The following RBFOX1 variants were observed in gnomAD, a reference collection of about 807,000 sequenced individuals.
RBFOX1 encodes the protein RNA binding fox-1 homolog 1.
A neutral mutation model predicts 57.7 loss-of-function variants in RBFOX1; 8 were observed. The observed-to-expected ratio is 0.14, with a 90% confidence interval of 0.08 to 0.25. The LOEUF is 0.25. Ranked by LOEUF, RBFOX1 falls within the 10% of genes least tolerant of loss-of-function variation. RBFOX1 has a pLI of 1.00. For synonymous variants in RBFOX1, 326 were observed against 222.4 expected, an observed-to-expected ratio of 1.47 and a Z score of -4.15; for missense variants, 611 against 548.5, an observed-to-expected ratio of 1.11 and a Z score of -1.14.
chr16:5,574,327 ACT>A (rs1433508565), intron 2 of RBFOX1, among the ~76,000 whole-genome samples: 1 of 151,586 alleles, frequency 6.6e-6, no homozygotes, highest in Non-Finnish European at 1.5e-5. Context: ...TAGCCTCCTA[ACT>A]CTCTGTATAG....
intron 4 of RBFOX1, among the ~76,000 whole-genome samples, chr16:7,179,132 G>A (rs557228392): frequency 3.8e-4 from 58 of 152,146 alleles, no homozygotes; most frequent in East Asian, 9.6e-4. Context: ...CGAGGCATCC[G>A]GAGGGGTTAA....
At chr16:5,849,694 A>G (rs2056844796) in intron 3 of RBFOX1, among the ~76,000 whole-genome samples, 1 of 152,144 alleles carries the variant, frequency 6.6e-6, no homozygotes, top group Non-Finnish European at 1.5e-5. Context: ...GGCATCGGCA[A>G]GTATTTGTTC....
Position 7,127,578 on chromosome 16 carries a change from G to A in RBFOX1, c.27+75480G>A, listed in dbSNP as rs576336708. Among the ~76,000 whole-genome samples, 7 of 152,314 alleles carry A rather than the reference G, an allele frequency of 4.6e-5. No individual in the cohort carries two copies. In the South Asian group the frequency reaches 1.5e-3, roughly 32 times the overall value. On this transcript the variant is annotated intron_variant, in intron 4 of 15. Transcript: ENST00000550418. ...ACGAGCGTGCATGTGTGTGGGGAAT[G>A]TGTACATTCTGTATCATGGTGTGAA... is the stretch of plus-strand genomic sequence containing the variant.
intron 4 of RBFOX1, among the ~76,000 whole-genome samples, chr16:7,369,659 A>C (rs1422326364): frequency 1.3e-5 from 2 of 152,166 alleles, no homozygotes; most frequent in Non-Finnish European, 2.9e-5. Flanking sequence ...GTTTGAAGTG[A>C]GACTAGTTTA....
chr16:6,920,926 G>A (rs2074319359), intron 3 of RBFOX1, among the ~76,000 whole-genome samples: 1 of 152,184 alleles, frequency 6.6e-6, no homozygotes, highest in South Asian at 2.1e-4. Flanking sequence ...ATAGGTTTTT[G>A]CAGGACACTA....
In RBFOX1 at chr16:7,382,690, G is replaced by A. The variant is rs545847143; in HGVS notation, c.28-135457G>A. Among the ~76,000 whole-genome samples, 3 of 152,292 alleles carry A rather than the reference G, an allele frequency of 2.0e-5. No individual in the cohort carries two copies. The South Asian group carries it at 6.2e-4, about 32-fold the overall frequency. ...CATCCTGGATTCATTTTCTAACAGA[G>A]GATAGTCACCTAATTAAAACGTTAA... On this transcript the variant is annotated intron_variant, in intron 4 of 15. Transcript: ENST00000550418.
intron 4 of RBFOX1, among the ~76,000 whole-genome samples, chr16:5,990,423 C>T (rs1025881436): frequency 6.6e-6 from 1 of 152,224 alleles, no homozygotes; most frequent in Admixed American, 6.5e-5. Flanking sequence ...GTGTTATGAC[C>T]AAACTTATTC....
At chr16:6,413,608 G>T (rs2093535821) in intron 2 of RBFOX1, among the ~76,000 whole-genome samples, 1 of 152,092 alleles carries the variant, frequency 6.6e-6, no homozygotes, top group African/African-American at 2.4e-5. Context: ...GACAGAGAAA[G>T]AAAGAAAGAA....
At chr16:7,351,370 T>C (rs1366168586) in intron 4 of RBFOX1, among the ~76,000 whole-genome samples, 1 of 152,276 alleles carries the variant, frequency 6.6e-6, no homozygotes, top group Non-Finnish European at 1.5e-5. Flanking sequence ...CATGTATTAA[T>C]CACCACTACG....
chr16:5,491,772 T>C (rs1251801221), intron 2 of RBFOX1, among the ~76,000 whole-genome samples: 2 of 152,214 alleles, frequency 1.3e-5, no homozygotes, highest in Non-Finnish European at 2.9e-5. Context: ...AAGACAGCTC[T>C]TGAGCTAGAA....
intron 3 of RBFOX1, among the ~76,000 whole-genome samples, chr16:7,014,703 G>T (rs893210383): frequency 5.3e-5 from 8 of 152,172 alleles, no homozygotes; most frequent in Middle Eastern, 3.4e-3. Flanking sequence ...GAGAGTGGAT[G>T]ATAAACTAGA....
chr16:7,060,530 C>T (rs931135289), intron 4 of RBFOX1, among the ~76,000 whole-genome samples: 1 of 152,170 alleles, frequency 6.6e-6, no homozygotes, highest in Admixed American at 6.5e-5. Flanking sequence ...CTGCCATTCT[C>T]AAATGAAATG....
intron 1 of RBFOX1, among the ~76,000 whole-genome samples, chr16:6,030,725 G>C (rs1419662093): frequency 6.6e-6 from 1 of 152,178 alleles, no homozygotes; most frequent in East Asian, 1.9e-4. Flanking sequence ...TGAAGTTAGA[G>C]AAATGCAATT....
chr16:7,635,357 AT>A (rs1360672617), intron 11 of RBFOX1, among the ~76,000 whole-genome samples: 1 of 152,200 alleles, frequency 6.6e-6, no homozygotes, highest in East Asian at 1.9e-4. Context: ...TTTCTTCAGG[AT>A]TTTATGAATA....
chr16:6,058,453 G>A (rs887073819), intron 1 of RBFOX1, among the ~76,000 whole-genome samples: 1 of 152,124 alleles, frequency 6.6e-6, no homozygotes. Flanking sequence ...TGCTGGTTTA[G>A]ATCTTTAAAG....
intron 4 of RBFOX1, among the ~76,000 whole-genome samples, chr16:7,139,176 C>CTCTCTCTCTCTCTCTGTGTGTGTGTG (rs372381673): frequency 4.9e-4 from 71 of 145,904 alleles, no homozygotes; most frequent in Non-Finnish European, 6.3e-4. Flanking sequence ...CAATCTCTCT[C>CTCTCTCTCTCTCTCTGTGTGTGTGTG]TGTGTGTGTG....
intron 5 of RBFOX1, among the ~76,000 whole-genome samples, chr16:7,536,698 G>C (rs72773080): frequency 1.3e-5 from 2 of 152,206 alleles, no homozygotes; most frequent in Non-Finnish European, 2.9e-5. Context: ...ATGCAGGGGC[G>C]TGTGGAAGCC....
At chr16:7,062,536 C>G (rs148893217) in intron 4 of RBFOX1, among the ~76,000 whole-genome samples, 1 of 152,008 alleles carries the variant, frequency 6.6e-6, no homozygotes, top group African/African-American at 2.4e-5. Flanking sequence ...GTAGCTAGTA[C>G]TTTATTATTC....
At chr16:7,395,036 A>T (rs992393999) in intron 4 of RBFOX1, among the ~76,000 whole-genome samples, 1 of 152,212 alleles carries the variant, frequency 6.6e-6, no homozygotes, top group African/African-American at 2.4e-5. Context: ...GGTGTATAAT[A>T]AGTTTGCCGC....
Sources: allele counts gnomAD v4.1 joint callset (sites outside exome capture counted in the v4.1 genomes callset), GRCh38; gene constraint gnomAD v4.1.1; transcripts MANE v1.5; gene names NCBI Gene and HGNC (gene_info 2026-07-23, HGNC 2026-07-21).